Variants in SCFD2 observed in about 807,000 individuals in gnomAD.
The protein encoded by SCFD2 is sec1 family domain-containing protein 2.
Under a neutral mutation model 58.9 loss-of-function variants are expected in SCFD2, and 54 were observed. That is an observed-to-expected ratio of 0.92 (90% CI 0.74 to 1.15). The LOEUF (loss-of-function observed/expected upper bound fraction) is 1.15, where lower values mean the gene tolerates loss of function less well. Among genes scored for constraint, SCFD2 ranks in the 50% most tolerant of loss-of-function variants. The probability of loss-of-function intolerance (pLI) is 0.00; values close to 1 mark genes in which losing one functional copy is unlikely to be tolerated. For synonymous variants in SCFD2, 321 were observed against 335.9 expected, an observed-to-expected ratio of 0.96 and a Z score of 0.49; for missense variants, 805 against 836.6, an observed-to-expected ratio of 0.96 and a Z score of 0.47.
intron 5 of SCFD2, among the ~76,000 whole-genome samples, chr4:53,007,852 T>G (rs1045666531): frequency 6.6e-6 from 1 of 152,188 alleles, no homozygotes; most frequent in Non-Finnish European, 1.5e-5. Flanking sequence ...GAGAGCATTT[T>G]TAGGTGCTTA....
intron 5 of SCFD2, among the ~76,000 whole-genome samples, chr4:53,012,307 A>G (rs541776802): frequency 5.6e-4 from 86 of 152,216 alleles, no homozygotes; most frequent in African/African-American, 2.0e-3. Flanking sequence ...TAAATTTGAA[A>G]TAGGGAAAGG....
In SCFD2 at chr4:53,010,257, G is replaced by A. The variant is rs554258429; in HGVS notation, c.1562-89387C>T. On this transcript the variant is annotated intron_variant, in intron 5 of 8. Coordinates refer to ENST00000401642, the MANE Select transcript of SCFD2 (RefSeq NM_152540.4). Reference sequence around the variant, plus strand: ...GATCTTGTTTATTCCTGACAGCTTCGCAATTACTCTACATTTACAGGTACT... The same window carrying A: ...GATCTTGTTTATTCCTGACAGCTTCACAATTACTCTACATTTACAGGTACT... Among the ~76,000 whole-genome samples, 6 of 152,202 alleles carry A rather than the reference G, an allele frequency of 3.9e-5. No individual in the cohort carries two copies. The South Asian group carries it at 1.0e-3, about 26-fold the overall frequency.
intron 5 of SCFD2, among the ~76,000 whole-genome samples, chr4:52,963,187 T>C (rs1720889590): frequency 6.6e-6 from 1 of 152,204 alleles, no homozygotes; most frequent in Non-Finnish European, 1.5e-5. Context: ...TGAAAAAAAC[T>C]GTATCTTCCC....
intron 4 of SCFD2, among the ~76,000 whole-genome samples, chr4:53,156,273 C>G (rs1726679309): frequency 1.3e-5 from 2 of 151,938 alleles, no homozygotes; most frequent in South Asian, 4.2e-4. Flanking sequence ...GTTGCAGGCA[C>G]CTGTAATCCC....
At chr4:52,955,826 T>C (rs537702102) in intron 5 of SCFD2, 1 of 339,876 alleles carries the variant, frequency 2.9e-6, no homozygotes, top group South Asian at 2.3e-5. Flanking sequence ...CAGTGGTCAG[T>C]AATAATGATT....
intron 5 of SCFD2, among the ~76,000 whole-genome samples, chr4:53,095,869 C>G (rs927528094): frequency 4.6e-5 from 7 of 152,108 alleles, no homozygotes; most frequent in African/African-American, 1.7e-4. Flanking sequence ...ATCCCTCCCC[C>G]CATCCCGACC....
intron 4 of SCFD2, among the ~76,000 whole-genome samples, chr4:53,159,990 G>T (rs1726806272): frequency 6.6e-6 from 1 of 152,220 alleles, no homozygotes; most frequent in Admixed American, 6.5e-5. Context: ...TAACAGGGTA[G>T]AAATGGTCTC....
chr4:53,097,899 T>C (rs1351866163), intron 5 of SCFD2, among the ~76,000 whole-genome samples: 1 of 152,316 alleles, frequency 6.6e-6, no homozygotes, highest in African/African-American at 2.4e-5. Context: ...AATCAATACT[T>C]AATTTATTGA....
intron 4 of SCFD2, among the ~76,000 whole-genome samples, chr4:53,242,208 C>T (rs918087515): frequency 8.5e-5 from 13 of 152,192 alleles, no homozygotes; most frequent in Non-Finnish European, 1.6e-4. Context: ...CTATGAAGTG[C>T]ATTGGCTGAC....
chr4:53,340,089 A>T (rs138317153), intron 2 of SCFD2, among the ~76,000 whole-genome samples: 343 of 152,282 alleles, frequency 2.3e-3, no homozygotes, highest in Non-Finnish European at 3.5e-3. Flanking sequence ...TACCGGGTTC[A>T]TCTCACTGGG....
chr4:53,109,970 C>T (rs1725121467), intron 5 of SCFD2, among the ~76,000 whole-genome samples: 1 of 152,024 alleles, frequency 6.6e-6, no homozygotes, highest in African/African-American at 2.4e-5. Flanking sequence ...TACCTGACTT[C>T]AAACTATACT....
At chr4:53,250,105 G>A (rs1435826802) in intron 4 of SCFD2, among the ~76,000 whole-genome samples, 1 of 152,060 alleles carries the variant, frequency 6.6e-6, no homozygotes, top group Admixed American at 6.5e-5. Context: ...GATGGAGGAA[G>A]ATCTACCAAG....
intron 7 of SCFD2, among the ~76,000 whole-genome samples, chr4:52,902,609 T>C (rs550518219): frequency 5.3e-4 from 80 of 152,346 alleles, no homozygotes; most frequent in African/African-American, 1.8e-3. Flanking sequence ...GTGGCAGGGA[T>C]ACAAATCCAT....
At chr4:53,080,188 C>T (rs553661895) in intron 5 of SCFD2, among the ~76,000 whole-genome samples, 13 of 152,164 alleles carry the variant, frequency 8.5e-5, no homozygotes, top group Non-Finnish European at 1.5e-4. Context: ...TCTCATCTCA[C>T]GTTTAGATTT....
intron 5 of SCFD2, among the ~76,000 whole-genome samples, chr4:53,022,026 T>C (rs1001125397): frequency 6.6e-6 from 1 of 152,098 alleles, no homozygotes; most frequent in African/African-American, 2.4e-5. Context: ...TCATAGAGCA[T>C]GATGGTAAAT....
chr4:52,993,852 AG>A (rs1333688876), intron 5 of SCFD2, among the ~76,000 whole-genome samples: 2 of 152,240 alleles, frequency 1.3e-5, no homozygotes, highest in Non-Finnish European at 2.9e-5. Context: ...CCTCAGAAAA[AG>A]GCTCTGGAGA....
At chr4:52,905,070 G>T (rs907589958) in intron 7 of SCFD2, among the ~76,000 whole-genome samples, 10 of 152,158 alleles carry the variant, frequency 6.6e-5, no homozygotes, top group African/African-American at 2.4e-4. Flanking sequence ...GTATAACTTT[G>T]GATAGTAAGA....
At chr4:53,332,470 C>T (rs1733513870) in intron 2 of SCFD2, among the ~76,000 whole-genome samples, 1 of 151,820 alleles carries the variant, frequency 6.6e-6, no homozygotes, top group Admixed American at 6.6e-5. Context: ...TGTAATCCAG[C>T]ATATAAACAG....
Position 53,350,101 on chromosome 4 carries a change from C to T in SCFD2, c.1007+2497G>A, listed in dbSNP as rs79662931. On this transcript the variant is annotated intron_variant, in intron 2 of 8. Coordinates refer to ENST00000401642, the MANE Select transcript of SCFD2 (RefSeq NM_152540.4). ...GAATGATGCCTGTTACACAAAAGGT[C>T]CTCTGTAAGTGTGTGCTATTACTAA... 6.8e-3 allele frequency among the ~76,000 whole-genome samples: 1,029 copies of T among 152,290 alleles called. 15 individuals carry two copies. Among genetic ancestry groups the T allele is most frequent in the African/African-American group, 0.023 (969 of 41,548 alleles).
Sources: gnomAD v4.1 joint callset for allele counts (sites outside exome capture counted in the v4.1 genomes callset) on GRCh38, gnomAD v4.1.1 for gene constraint, MANE v1.5 for transcripts, NCBI Gene and HGNC (gene_info 2026-07-23, HGNC 2026-07-21) for gene names.